The following MLIP variants were observed in gnomAD, a reference collection of about 807,000 sequenced individuals.
MLIP encodes muscular LMNA interacting protein.
Under a neutral mutation model 84.8 loss-of-function variants are expected in MLIP, and 79 were observed. That is an observed-to-expected ratio of 0.93 (90% CI 0.78 to 1.12). The LOEUF (loss-of-function observed/expected upper bound fraction) is 1.12. MLIP is among the 50% of genes most tolerant of loss of function. The pLI is 0.00. For synonymous variants in MLIP, 504 were observed against 463.0 expected (o/e 1.09, Z -1.14); for missense variants, 1,257 against 1,160.6 (o/e 1.08, Z -1.21).
intron 4 of MLIP, 149 bp from the exon 5 acceptor site, chr6:54,148,907 A>C: frequency 1.0e-5 from 6 of 585,578 alleles, no homozygotes; most frequent in South Asian, 2.3e-5. Flanking sequence ...TGGTAAGCTA[A>C]TTGTTTCTGT....
In MLIP at chr6:54,104,392, G is replaced by A. The variant is rs1007278436; in HGVS notation, c.64-17055G>A. On this transcript the variant is annotated intron_variant, in intron 1 of 12. Transcript: ENST00000274897. ...ATATATGTAAAAATGGTTCACTATG[G>A]AATCTCTGAACATGTTTTATTAAAT... Among the ~76,000 whole-genome samples, 12 of 152,172 alleles carry A rather than the reference G, an allele frequency of 7.9e-5. No individual in the cohort carries two copies. The South Asian group carries it at 1.7e-3, about 21-fold the overall frequency.
chr6:54,229,407 T>A (rs948102870), intron 11 of MLIP, among the ~76,000 whole-genome samples: 6 of 152,218 alleles, frequency 3.9e-5, no homozygotes, highest in African/African-American at 1.4e-4. Flanking sequence ...GCAGGATGTC[T>A]AGGTTTATTA....
chr6:54,067,258 T>C lies in MLIP; in HGVS notation c.63+48167T>C, dbSNP rs374189202. Among the ~76,000 whole-genome samples, 4 of 101,064 alleles carry C rather than the reference T, an allele frequency of 4.0e-5. 2 individuals are homozygous for C. Among genetic ancestry groups the C allele is most frequent in the South Asian group, 7.0e-4 (2 of 2,872 alleles). The allele number at this position is 101,064 out of a possible 152,430, so 66.3% of individuals were successfully genotyped here. A position where few individuals can be genotyped will look rare whatever the true frequency, so the allele number is the denominator to read the frequency against. On this transcript the variant is annotated intron_variant, in intron 1 of 12. Transcript: ENST00000274897. ...TAGCATGACACTAAGATTAATTCAG[T>C]ATATTGTATGTATTTGCAAATGAAT...
rs1771936988 is a variant in MLIP at position 54,137,683 on chromosome 6, C to T, written c.1614C>T (p.Ser538=). The T allele has an allele frequency of 6.5e-7, 1 of 1,536,062 alleles. No homozygotes were observed. Among genetic ancestry groups the T allele is most frequent in the Middle Eastern group, 1.7e-4 (1 of 5,990 alleles). Residue 538 remains serine (S), a synonymous_variant, in exon 4 of 14, where the codon TCC becomes TCT. Coordinates refer to ENST00000502396, the MANE Select transcript of MLIP (RefSeq NM_001281747.2). ...SPTLKSNTML[S]LLQTSTSSSV... ...CTTTGAAGAGCAATACCATGCTCTC[C>T]CTGCTACAAACCAGTACATCCAGTT... is the stretch of plus-strand genomic sequence containing the variant.
intron 3 of MLIP, among the ~76,000 whole-genome samples, chr6:54,128,941 G>T (rs143380889): frequency 1.3e-5 from 2 of 151,764 alleles, no homozygotes; most frequent in African/African-American, 4.8e-5. Context: ...TTTTTGGAGG[G>T]GGGGCACAAA....
intron 4 of MLIP, among the ~76,000 whole-genome samples, chr6:54,140,214 T>G (rs1046389408): frequency 3.9e-5 from 6 of 152,168 alleles, no homozygotes; most frequent in African/African-American, 1.2e-4. Context: ...CTCTAGAAGC[T>G]TTTTCAAAGC....
intron 9 of MLIP, among the ~76,000 whole-genome samples, chr6:54,187,191 G>A (rs1226351231): frequency 2.0e-5 from 3 of 152,072 alleles, no homozygotes; most frequent in African/African-American, 7.2e-5. Context: ...AATGGTAACT[G>A]GTCCAGAACC....
intron 9 of MLIP, among the ~76,000 whole-genome samples, chr6:54,180,734 A>G (rs1184303731): frequency 6.6e-6 from 1 of 152,070 alleles, no homozygotes; most frequent in Non-Finnish European, 1.5e-5. Flanking sequence ...GGAATTCTAA[A>G]TTCCTTCTCT....
rs554914954 is a variant in MLIP, at chr6:54,066,975, A to G, written c.63+47884A>G. 8.1e-4 allele frequency among the ~76,000 whole-genome samples: 80 copies of G among 99,236 alleles called. 8 individuals are homozygous for G. Among genetic ancestry groups the G allele is most frequent in the African/African-American group, 2.0e-3 (79 of 39,314 alleles). The allele number at this position is 99,236 out of a possible 152,430, so 65.1% of individuals were successfully genotyped here. ...ATTCAACATGAGTGATATCCAGAGGAAAAAAAATCTACTTTCATTCCCATT... is the reference window on the plus strand; with the variant it reads ...ATTCAACATGAGTGATATCCAGAGGGAAAAAAATCTACTTTCATTCCCATT... On this transcript the variant is annotated intron_variant, in intron 1 of 12. Transcript: ENST00000274897.
chr6:54,166,268 A>G (rs564026409), intron 8 of MLIP, among the ~76,000 whole-genome samples: 1 of 152,038 alleles, frequency 6.6e-6, no homozygotes, highest in South Asian at 2.1e-4. Flanking sequence ...CCTTTCAATG[A>G]AGTAAAATGT....
intron 3 of MLIP, among the ~76,000 whole-genome samples, chr6:54,131,154 A>T (rs970668009): frequency 1.3e-5 from 2 of 152,162 alleles, no homozygotes; most frequent in African/African-American, 4.8e-5. Context: ...TGGCTTCACA[A>T]ATTTACCTAT....
intron 12 of MLIP, among the ~76,000 whole-genome samples, chr6:54,247,404 C>T (rs1304286854): frequency 2.6e-5 from 4 of 152,016 alleles, no homozygotes; most frequent in African/African-American, 4.8e-5. Context: ...GACAGATTCT[C>T]CAGAAGGAAG....
upstream of MLIP, chr6:54,111,340 A>G (rs1769445919): frequency 7.2e-7 from 1 of 1,392,644 alleles, no homozygotes; most frequent in Admixed American, 2.8e-5. Context: ...AGCTGACACA[A>G]TTCCTCAATT....
intron 1 of MLIP, among the ~76,000 whole-genome samples, chr6:54,074,177 T>C (rs1209843418): frequency 1.3e-5 from 2 of 152,210 alleles, no homozygotes; most frequent in Non-Finnish European, 2.9e-5. Context: ...GCACTATTGA[T>C]AAATGGCTCC....
intron 4 of MLIP, among the ~76,000 whole-genome samples, chr6:54,145,814 AAG>A (rs1772768071): frequency 6.6e-6 from 1 of 151,550 alleles, no homozygotes; most frequent in East Asian, 1.9e-4. Flanking sequence ...AAGAAAAAGA[AAG>A]AGAAAAAATT....
At chr6:54,244,341 CTT>C (rs975879457) in intron 12 of MLIP, among the ~76,000 whole-genome samples, 9 of 152,038 alleles carry the variant, frequency 5.9e-5, no homozygotes, top group African/African-American at 1.7e-4. Flanking sequence ...GGAAAAAAGA[CTT>C]TATCAAATAT....
intron 11 of MLIP, chr6:54,203,507 G>T (rs1211614302): frequency 1.3e-5 from 2 of 151,630 alleles, no homozygotes; most frequent in Non-Finnish European, 2.9e-5. Context: ...AAAACATAAA[G>T]AATCTCTTAT....
chr6:54,098,211 A>G (rs1468491180), intron 1 of MLIP, among the ~76,000 whole-genome samples: 1 of 148,446 alleles, frequency 6.7e-6, no homozygotes, highest in Non-Finnish European at 1.5e-5. Flanking sequence ...GCTGGAGTGA[A>G]GTGGCACGAT....
At chr6:54,125,996 C>T (rs914640156) in intron 3 of MLIP, among the ~76,000 whole-genome samples, 2 of 151,364 alleles carry the variant, frequency 1.3e-5, no homozygotes, top group African/African-American at 2.4e-5. Flanking sequence ...ACACACACTG[C>T]GGTACTCACA....
Sources: gnomAD v4.1 joint callset for allele counts (sites outside exome capture counted in the v4.1 genomes callset) on GRCh38, gnomAD v4.1.1 for gene constraint, MANE v1.5 for transcripts, NCBI Gene and HGNC (gene_info 2026-07-23, HGNC 2026-07-21) for gene names.